RNF213: variants seen among roughly 807,000 people sequenced by gnomAD.
RNF213 encodes E3 ubiquitin-protein ligase RNF213.
In RNF213, 341 loss-of-function variants were observed where a neutral mutation model predicts 514.4. That is an observed-to-expected ratio of 0.66 (90% CI 0.61 to 0.73). RNF213 has a LOEUF of 0.73. Ranked by LOEUF, RNF213 falls within the 30% of genes least tolerant of loss-of-function variation. RNF213 has a pLI of 0.00. For missense variants in RNF213, 5,767 were observed against 6,615.6 expected (o/e 0.87, Z 4.45); for synonymous variants, 2,655 against 2,658.2 (o/e 1.00, Z 0.04).
Position 80,394,635 on chromosome 17 carries a change from G to A in RNF213, c.*1137G>A, listed in dbSNP as rs12604017. 3 of 152,206 alleles carry A rather than the reference G, an allele frequency of 2.0e-5. No homozygotes were observed. Among genetic ancestry groups the A allele is most frequent in the South Asian group, 4.1e-4 (2 of 4,830 alleles). 9.4% of individuals were successfully genotyped at this position (152,206 alleles called of 1,614,324 possible). A position where few individuals can be genotyped will look rare whatever the true frequency, so the allele number is the denominator to read the frequency against. ...TATCCTTAATATTCATTCTAAATGA[G>A]TTAACGACTTAACTTGAAATTGGGC... On this transcript the variant is annotated 3_prime_UTR_variant, in exon 68 of 68. Transcript: ENST00000582970.
intron 3 of RNF213, among the ~76,000 whole-genome samples, chr17:80,281,650 A>T (rs2044305473): frequency 7.0e-6 from 1 of 143,540 alleles, no homozygotes; most frequent in Non-Finnish European, 1.5e-5. Flanking sequence ...CTCCCCACTC[A>T]CCCCACTCAC....
At position 80,349,702 on chromosome 17, in the gene RNF213, A is replaced by C. The variant is rs2078435062; in HGVS notation, c.9952-68A>C. 2.6e-6 allele frequency: 4 copies of C among 1,557,778 alleles called. No individual in the cohort carries two copies. The Admixed American group carries it at 5.0e-5, about 19-fold the overall frequency. On this transcript the variant is annotated intron_variant, in intron 29 of 67. Coordinates refer to ENST00000582970, the MANE Select transcript of RNF213 (RefSeq NM_001256071.3). ...ATCGCAGGTTTCTAGGATCTGTCTAAACCTGGCAGCAGACTTGCAACCTTT... is the reference window on the plus strand; with the variant it reads ...ATCGCAGGTTTCTAGGATCTGTCTACACCTGGCAGCAGACTTGCAACCTTT...
chr17:80,270,019 CT>C (rs1236393854), intron 2 of RNF213, among the ~76,000 whole-genome samples: 1 of 152,214 alleles, frequency 6.6e-6, no homozygotes, highest in Non-Finnish European at 1.5e-5. Flanking sequence ...ACGAAGTTTC[CT>C]CACCCTGGGC....
chr17:80,346,508 A>G lies in RNF213; in HGVS notation c.8173A>G (p.Ile2725Val), dbSNP rs771396979. ...YDDSRLLLDE[I>V]TRAQDLFLDG... is the part of the protein sequence containing the mutation. ...CGACAGCAGGCTGCTTCTGGATGAA[A>G]TAACACGGGCACAGGATCTTTTTCT... Residue 2725 changes from isoleucine to valine, a missense_variant, in exon 29 of 68, where the codon ATA becomes GTA. This residue lies in a region of RNF213 where 1,377 missense variants were observed against 1,635.2 expected (regional missense o/e 0.84). Transcript: ENST00000582970. The surrounding 1 kb of genome is among the most constrained non-coding windows in gnomAD (Gnocchi z 8.1). 1.2e-6 allele frequency: 2 copies of G among 1,613,720 alleles called. No individual in the cohort carries two copies. Among genetic ancestry groups the G allele is most frequent in the Non-Finnish European group, 1.7e-6 (2 of 1,180,042 alleles).
In RNF213 at chr17:80,288,605, C is replaced by T; in HGVS notation, c.811-28C>T. 1 of 1,614,160 alleles carries T rather than the reference C, an allele frequency of 6.2e-7. No homozygotes were observed. The highest frequency in any genetic ancestry group is 2.2e-5 in the East Asian group (1 of 44,882). On this transcript the variant is annotated intron_variant, in intron 4 of 67. Transcript: ENST00000582970. The surrounding 1 kb of genome is among the most constrained non-coding windows in gnomAD (Gnocchi z 4.9). ...GAGTCACCCTGGCCCATTTTGTCAC[C>T]TTGGCTCTGGTGTTTGGGGTCTTTC...
intron 30 of RNF213, 77 bp from the exon 31 acceptor site, chr17:80,350,224 C>T (rs2078457281): frequency 1.1e-6 from 1 of 929,702 alleles, no homozygotes; most frequent in Non-Finnish European, 1.8e-6. Context: ...CTTTATGTTT[C>T]CCATCACTTT....
At chr17:80,261,779 G>A (rs1329066915) in intron 1 of RNF213, among the ~76,000 whole-genome samples, 1 of 152,162 alleles carries the variant, frequency 6.6e-6, no homozygotes, top group Non-Finnish European at 1.5e-5. Flanking sequence ...AAAACTTTGG[G>A]AGGCCAAGGC....
At chr17:80,342,532 A>G (rs1376613428) in intron 26 of RNF213, among the ~76,000 whole-genome samples, 2 of 114,412 alleles carry the variant, frequency 1.7e-5, no homozygotes, top group Non-Finnish European at 3.7e-5. Context: ...CTGGGACTTA[A>G]TTTTTCTCTC....
intron 11 of RNF213, among the ~76,000 whole-genome samples, chr17:80,304,787 C>T (rs1305577067): frequency 6.6e-6 from 1 of 152,178 alleles, no homozygotes; most frequent in Non-Finnish European, 1.5e-5. Context: ...AGCACATTCA[C>T]ACTGCTGTGT....
chr17:80,281,641 TCCCCACTCA>T (rs1225489323), intron 3 of RNF213, among the ~76,000 whole-genome samples: 1 of 41,606 alleles, frequency 2.4e-5, no homozygotes, highest in Non-Finnish European at 5.6e-5. Context: ...CAACACACAC[TCCCCACTCA>T]CCCCACTCAC....
At position 80,372,001 on chromosome 17, in the gene RNF213, C is replaced by G. The variant is rs776281731; in HGVS notation, c.12537+16C>G. 1.6e-5 allele frequency: 21 copies of G among 1,298,000 alleles called. No homozygotes were observed. Among genetic ancestry groups the G allele is most frequent in the Non-Finnish European group, 2.0e-5 (18 of 891,520 alleles). 80.4% of individuals were successfully genotyped at this position (1,298,000 alleles called of 1,614,324 possible). On this transcript the variant is annotated intron_variant, in intron 47 of 67. Transcript: ENST00000582970. ...CTGCCTGGAGGTAAGTGAACTCTCT[C>G]TTCCCTGAATTTCTTTTGGAAACTA...
chr17:80,388,051 C>T (rs1394319474), intron 63 of RNF213, among the ~76,000 whole-genome samples: 1 of 151,942 alleles, frequency 6.6e-6, no homozygotes, highest in African/African-American at 2.4e-5. Flanking sequence ...GCTCCACCTC[C>T]CGGGTTCACT....
intron 17 of RNF213, chr17:80,320,049 T>C (rs1183959732): frequency 5.8e-5 from 58 of 1,002,552 alleles, no homozygotes; most frequent in Non-Finnish European, 6.4e-5. Flanking sequence ...TGCCATACGG[T>C]ACATCTGTCA....
In RNF213 at chr17:80,364,454, C is replaced by A. The variant is rs759191353; in HGVS notation, c.11772C>A (p.Phe3924Leu). 1 of 1,614,188 alleles carries A rather than the reference C, an allele frequency of 6.2e-7. No individual in the cohort carries two copies. The highest frequency in any genetic ancestry group is 8.5e-7 in the Non-Finnish European group (1 of 1,180,030). The change falls in exon 42 of 68, where the codon TTC (phenylalanine) becomes TTA (leucine). Residue 3924 changes from phenylalanine to leucine, a missense_variant. Around this residue, in one of 13 missense-constraint regions of RNF213, gnomAD observed 355 missense variants for 358.0 expected, o/e 0.99. Transcript: ENST00000582970. ...ACAGAGCCCAGTGGAGTCGGATTTT[C>A]TCCACCGCACTCTTCGTGGAGCACG... ...REVRAQWSRI[F>L]STALFVEHVL...
intron 14 of RNF213, 144 bp from the exon 15 acceptor site, chr17:80,312,868 T>C: frequency 1.2e-6 from 1 of 853,504 alleles, no homozygotes; most frequent in East Asian, 2.6e-5. Context: ...AATGTGGGCT[T>C]CTGCCAAGGC....
In RNF213 at chr17:80,364,418, GC is replaced by G. The variant is rs1248169976; in HGVS notation, c.11751-12del. 2.5e-6 allele frequency: 4 copies of G among 1,613,946 alleles called. No homozygotes were observed. Among genetic ancestry groups the G allele is most frequent in the Non-Finnish European group, 3.4e-6 (4 of 1,179,990 alleles). ...GGAGCCGAGTGAGTGAGTGAGTGGC[GC>G]CCTCTTTTGACAGAGCCCAGTGGAG... On this transcript the variant is annotated splice_polypyrimidine_tract_variant and intron_variant, in intron 41 of 67. Coordinates refer to ENST00000582970, the MANE Select transcript of RNF213 (RefSeq NM_001256071.3).
At position 80,345,931 on chromosome 17, in the gene RNF213, G is replaced by T. The variant is rs759315069; in HGVS notation, c.7596G>T (p.Glu2532Asp). Reference protein sequence around the residue: ...AACNPYRKHSEEMICRLESAG... With the variant: ...AACNPYRKHSDEMICRLESAG... ...GCAATCCATACCGGAAGCACTCTGA[G>T]GAGATGATCTGCCGTTTGGAGTCAG... Residue 2532 changes from glutamate to aspartate, a missense_variant, in exon 29 of 68, where the codon GAG (glutamate) becomes GAT (aspartate). Glu to Asp is a conservative substitution (Grantham distance 45, BLOSUM62 2). Coordinates refer to ENST00000582970, the MANE Select transcript of RNF213 (RefSeq NM_001256071.3). The surrounding 1 kb of genome is among the most constrained non-coding windows in gnomAD (Gnocchi z 6.0). The T allele has an allele frequency of 6.2e-7, 1 of 1,614,122 alleles. No homozygotes were observed. Among genetic ancestry groups the T allele is most frequent in the Admixed American group, 1.7e-5 (1 of 60,010 alleles).
rs564191274 is a variant in RNF213 at position 80,377,875 on chromosome 17, G to A, written c.13545+79G>A. On this transcript the variant is annotated intron_variant, in intron 54 of 67. Transcript: ENST00000582970. This position sits in a 1 kb window ranked among gnomAD's most constrained non-coding sequence, Gnocchi z 4.1. Reference sequence around the variant, plus strand: ...GGAGGAGGGGGATCGTGGGTCAGGAGAGTGAGGCTCTCGGCCTTCCAGGAG... The same window carrying A: ...GGAGGAGGGGGATCGTGGGTCAGGAAAGTGAGGCTCTCGGCCTTCCAGGAG... 1 of 1,523,404 alleles carries A rather than the reference G, an allele frequency of 6.6e-7. No individual in the cohort carries two copies. The highest frequency in any genetic ancestry group is 2.2e-5 in the East Asian group (1 of 44,462). 94.4% of individuals were successfully genotyped at this position (1,523,404 alleles called of 1,614,324 possible). A position where few individuals can be genotyped will look rare whatever the true frequency, so the allele number is the denominator to read the frequency against.
At position 80,395,341 on chromosome 17, in the gene RNF213, T is replaced by A. The variant is rs1317882968; in HGVS notation, c.*1843T>A. The A allele has an allele frequency of 6.6e-6, 1 of 152,232 alleles. No homozygotes were observed. Among genetic ancestry groups the A allele is most frequent in the Non-Finnish European group, 1.5e-5 (1 of 68,034 alleles). The allele number at this position is 152,232 out of a possible 1,614,324, so 9.4% of individuals were successfully genotyped here. A position where few individuals can be genotyped will look rare whatever the true frequency, so the allele number is the denominator to read the frequency against. ...TTCTCTCTGGGGGCAGAGCTTCTAT[T>A]TATGGCACATAGACATCAGCTAGGC... On this transcript the variant is annotated 3_prime_UTR_variant, in exon 68 of 68. Transcript: ENST00000582970.
Sources: allele counts gnomAD v4.1 joint callset (sites outside exome capture counted in the v4.1 genomes callset), GRCh38; gene constraint gnomAD v4.1.1; regional missense constraint gnomAD v4.1.1; non-coding constraint Gnocchi (gnomAD v3.1); transcripts MANE v1.5; gene names NCBI Gene and HGNC (gene_info 2026-07-23, HGNC 2026-07-21).